Variants in RNASEL observed in about 807,000 individuals in gnomAD.
RNASEL encodes the protein 2-5A-dependent ribonuclease.
A neutral mutation model predicts 50.9 loss-of-function variants in RNASEL; 36 were observed. That is an observed-to-expected ratio of 0.71 (90% CI 0.54 to 0.93). The LOEUF is 0.93. RNASEL is among the 40% of genes least tolerant of loss of function. RNASEL has a pLI of 0.00. For synonymous variants in RNASEL, 335 were observed against 335.6 expected (o/e 1.00, Z 0.02); for missense variants, 860 against 894.5 (o/e 0.96, Z 0.49).
At chr1:182,580,773 T>TGTAG (rs1558471003) in intron 5 of RNASEL, among the ~76,000 whole-genome samples, 1 of 152,192 alleles carries the variant, frequency 6.6e-6, no homozygotes. Flanking sequence ...TCAGGCAGAA[T>TGTAG]GTAGGTCTGT....
Position 182,578,767 on chromosome 1 carries a change from A to G in RNASEL, c.1906-2378T>C, listed in dbSNP as rs1243682340. On this transcript the variant is annotated intron_variant, in intron 5 of 6. Coordinates refer to ENST00000367559, the MANE Select transcript of RNASEL (RefSeq NM_021133.4). ...CTGCACTCAGCCCAAGAAATCTTAT[A>G]TCAAAAAGATACCGGCACTCATATG... 3 of 152,180 alleles carry G rather than the reference A, an allele frequency of 2.0e-5. No individual in the cohort carries two copies. In the East Asian group the frequency reaches 5.8e-4, roughly 29 times the overall value. The allele number at this position is 152,180 out of a possible 1,614,324, so 9.4% of individuals were successfully genotyped here.
Position 182,574,530 on chromosome 1 carries a change from G to A in RNASEL, c.*862C>T, listed in dbSNP as rs1229897601. Reference sequence around the variant, plus strand: ...GTTCAAAAGCATCCCAGCCCCTTAAGTCAGGTTTTCTCAACCTCAGCACCA... The same window carrying A: ...GTTCAAAAGCATCCCAGCCCCTTAAATCAGGTTTTCTCAACCTCAGCACCA... On this transcript the variant is annotated 3_prime_UTR_variant, in exon 7 of 7. Coordinates refer to ENST00000367559, the MANE Select transcript of RNASEL (RefSeq NM_021133.4). The A allele has an allele frequency of 8.6e-6, 2 of 232,388 alleles. No individual in the cohort carries two copies. The highest frequency in any genetic ancestry group is 1.7e-5 in the Non-Finnish European group (2 of 117,690). 14.4% of individuals were successfully genotyped at this position (232,388 alleles called of 1,614,324 possible).
At position 182,585,959 on chromosome 1, in the gene RNASEL, A is replaced by G. The variant is rs1372936687; in HGVS notation, c.848T>C (p.Leu283Pro). 2 of 1,614,140 alleles carry G rather than the reference A, an allele frequency of 1.2e-6. No homozygotes were observed. Among genetic ancestry groups the G allele is most frequent in the Non-Finnish European group, 1.7e-6 (2 of 1,180,028 alleles). The change falls in exon 2 of 7, where the codon CTC becomes CCC. Residue 283 changes from leucine (L) to proline (P), a missense_variant. Transcript: ENST00000367559. ...CAACTCGGCGATTTTCTTCAGTTTG[A>G]GTTCAACAGCAAGCAGCAGTGCTGT... ...GKTALLLAVE[L>P]KLKKIAELLC...
At position 182,578,187 on chromosome 1, in the gene RNASEL, C is replaced by A. The variant is rs981471847; in HGVS notation, c.1906-1798G>T. 5 of 152,162 alleles carry A rather than the reference C, an allele frequency of 3.3e-5. No homozygotes were observed. In the East Asian group the frequency reaches 5.8e-4, roughly 18 times the overall value. 9.4% of individuals were successfully genotyped at this position (152,162 alleles called of 1,614,324 possible). On this transcript the variant is annotated intron_variant, in intron 5 of 6. Transcript: ENST00000367559. ...CAGCAAAAGAAATAAACAGAGTGAA[C>A]AAACAACCTGCAGCATGGGAAAAAA...
intron 5 of RNASEL, chr1:182,578,989 T>C (rs1263523146): frequency 6.5e-6 from 1 of 152,918 alleles, no homozygotes; most frequent in Non-Finnish European, 1.5e-5. Context: ...GAAAGTCAAA[T>C]ATCACATGTT....
intron 5 of RNASEL, 26 bp downstream of exon 5, chr1:182,581,199 C>T: frequency 6.2e-7 from 1 of 1,613,954 alleles, no homozygotes; most frequent in Non-Finnish European, 8.5e-7. Flanking sequence ...CTGGACTAAC[C>T]CCTGCACTAT....
Position 182,585,532 on chromosome 1 carries a change from G to A in RNASEL, c.1275C>T (p.Ser425=), listed in dbSNP as rs563517828. Residue 425 remains serine (S), a synonymous_variant, in exon 2 of 7, where the codon AGC becomes AGT. Transcript: ENST00000367559. ...SHLVTFYGSE[S]HRGHLFVCVT... is the part of the protein sequence containing the mutation. ...CACACACAAACAAGTGGCCCCTGTGGCTCTCACTCCCATAGAATGTCACCA... is the reference window on the plus strand; with the variant it reads ...CACACACAAACAAGTGGCCCCTGTGACTCTCACTCCCATAGAATGTCACCA... The A allele has an allele frequency of 1.9e-6, 3 of 1,614,146 alleles. No individual in the cohort carries two copies. Among genetic ancestry groups the A allele is most frequent in the Admixed American group, 1.7e-5 (1 of 60,018 alleles).
intron 5 of RNASEL, among the ~76,000 whole-genome samples, chr1:182,577,306 T>C (rs1387430072): frequency 6.6e-6 from 1 of 152,166 alleles, no homozygotes; most frequent in African/African-American, 2.4e-5. Context: ...AAATTAAATA[T>C]ATTAAAATAT....
rs1215895422 is a variant in RNASEL at position 182,586,228 on chromosome 1, T to C, written c.579A>G (p.Ala193=). ...CCATATTGTCACAGGCGTTTACATC[T>C]GCCCCCATCTCATCAAGGAGAATCT... The part of the protein sequence containing the change: ...VLKILLDEMG[A]DVNACDNMGR... The change falls in exon 2 of 7, where the codon GCA becomes GCG. Residue 193 remains alanine (A), a synonymous_variant. Coordinates refer to ENST00000367559, the MANE Select transcript of RNASEL (RefSeq NM_021133.4). 5 of 1,614,098 alleles carry C rather than the reference T, an allele frequency of 3.1e-6. No individual in the cohort carries two copies. Among genetic ancestry groups the C allele is most frequent in the Admixed American group, 3.3e-5 (2 of 60,010 alleles).
intron 5 of RNASEL, chr1:182,579,714 C>A: frequency 1.7e-6 from 2 of 1,169,266 alleles, no homozygotes; most frequent in Non-Finnish European, 2.1e-6. Context: ...CAATATAAGC[C>A]CATGGAATTT....
intron 5 of RNASEL, 149 bp downstream of exon 5, chr1:182,581,076 G>T (rs566584441): frequency 2.6e-6 from 3 of 1,147,718 alleles, no homozygotes; most frequent in East Asian, 4.7e-5. Context: ...GGGAGCCTAG[G>T]GGGATAGGGA....
At position 182,574,640 on chromosome 1, in the gene RNASEL, T is replaced by G. The variant is rs1661347383; in HGVS notation, c.*752A>C. On this transcript the variant is annotated 3_prime_UTR_variant, in exon 7 of 7. Transcript: ENST00000367559. ...GGCAGCATCCCTGGTCTTTACCCAC[T>G]AAATGCCATAGCATGCTCCCCACAA... 1 of 232,710 alleles carries G rather than the reference T, an allele frequency of 4.3e-6. No individual in the cohort carries two copies. Among genetic ancestry groups the G allele is most frequent in the South Asian group, 1.8e-4 (1 of 5,514 alleles). The allele number at this position is 232,710 out of a possible 1,614,324, so 14.4% of individuals were successfully genotyped here.
intron 5 of RNASEL, chr1:182,579,213 C>T (rs1295854433): frequency 2.0e-6 from 2 of 981,662 alleles, no homozygotes; most frequent in East Asian, 1.1e-4. Context: ...CTAGTACCCT[C>T]TAAAATTTAT....
intron 5 of RNASEL, chr1:182,580,114 G>A (rs192066212): frequency 6.6e-5 from 24 of 360,946 alleles, no homozygotes; most frequent in South Asian, 2.7e-4. Flanking sequence ...ATGATACTAC[G>A]TAATCATTAG....
rs774045331 is a variant in RNASEL, at chr1:182,586,297, T to C, written c.510A>G (p.Thr170=). The C allele has an allele frequency of 6.2e-7, 1 of 1,614,084 alleles. No homozygotes were observed. Among genetic ancestry groups the C allele is most frequent in the African/African-American group, 1.3e-5 (1 of 74,940 alleles). ...CTTTTTCAGCAGCGTCCATGAGAGC[T>C]GTGGCCCCTCCTTTCCTCAGCCGCT... is the stretch of plus-strand genomic sequence containing the variant. The part of the protein sequence containing the change: ...DQERLRKGGA[T]ALMDAAEKGH... Residue 170 remains threonine (T), a synonymous_variant, in exon 2 of 7, where the codon ACA becomes ACG. Coordinates refer to ENST00000367559, the MANE Select transcript of RNASEL (RefSeq NM_021133.4).
chr1:182,588,594 A>G (rs1392452233), intron 1 of RNASEL, among the ~76,000 whole-genome samples: 1 of 152,244 alleles, frequency 6.6e-6, no homozygotes, highest in Non-Finnish European at 1.5e-5. Context: ...AAATAACTGC[A>G]TCTGCTATAG....
chr1:182,584,863 C>T (rs1661561785), intron 2 of RNASEL, among the ~76,000 whole-genome samples: 2 of 152,162 alleles, frequency 1.3e-5, no homozygotes, highest in Admixed American at 1.3e-4. Context: ...ATTTTCCTTC[C>T]CTTTGTTTGG....
intron 1 of RNASEL, among the ~76,000 whole-genome samples, chr1:182,587,354 T>C (rs541808570): frequency 5.3e-5 from 8 of 152,092 alleles, no homozygotes; most frequent in Non-Finnish European, 1.0e-4. Flanking sequence ...TTCATTTCTC[T>C]ATTACTGAGT....
rs1282391846 is a variant in RNASEL at position 182,586,317 on chromosome 1, G to A, written c.490C>T (p.Leu164=). The A allele has an allele frequency of 1.2e-6, 2 of 1,614,092 alleles. No homozygotes were observed. The highest frequency in any genetic ancestry group is 3.3e-5 in the Admixed American group (2 of 60,020). ...RRKTKEDQER[L]RKGGATALMD... ...AGAGCTGTGGCCCCTCCTTTCCTCA[G>A]CCGCTCTTGATCCTCCTTTGTCTTT... Residue 164 remains leucine, a synonymous_variant, in exon 2 of 7, where the codon CTG becomes TTG. Transcript: ENST00000367559.
Sources: gnomAD v4.1 joint callset for allele counts (sites outside exome capture counted in the v4.1 genomes callset) on GRCh38, gnomAD v4.1.1 for gene constraint, MANE v1.5 for transcripts, NCBI Gene and HGNC (gene_info 2026-07-23, HGNC 2026-07-21) for gene names.